The following PROSER1 variants were observed in gnomAD, a reference collection of about 807,000 sequenced individuals.
PROSER1 encodes the protein proline and serine-rich protein 1.
In PROSER1, 36 loss-of-function variants were observed where a neutral mutation model predicts 71.8. The observed-to-expected ratio is 0.50, with a 90% CI of 0.38 to 0.66. The LOEUF (loss-of-function observed/expected upper bound fraction) is 0.66, where lower values mean the gene tolerates loss of function less well. Among genes scored for constraint, PROSER1 ranks in the 30% least tolerant of loss-of-function variants. PROSER1 has a pLI of 0.00. For missense variants in PROSER1, 1,107 were observed against 1,135.0 expected (o/e 0.98, Z 0.35); for synonymous variants, 490 against 452.4 (o/e 1.08, Z -1.06).
chr13:39,021,183 A>T (rs1022256826), intron 9 of PROSER1, among the ~76,000 whole-genome samples: 6 of 152,020 alleles, frequency 3.9e-5, no homozygotes, highest in African/African-American at 1.2e-4. Context: ...GGGATACCCA[A>T]TTCACCCCCT....
intron 7 of PROSER1, among the ~76,000 whole-genome samples, 170 bp downstream of exon 7, chr13:39,024,303 T>C (rs945525626): frequency 3.0e-4 from 46 of 152,280 alleles, no homozygotes; most frequent in African/African-American, 1.1e-3. Flanking sequence ...AAAGGGGCTC[T>C]TACTACTGTT....
Position 39,023,057 on chromosome 13 carries a change from G to T in PROSER1, c.638C>A (p.Ala213Glu). ...AAAATAAGGGAACTCCTTACTTGGT[G>T]CAATAGTTGCATGTGGTCGGCATGG... is the stretch of plus-strand genomic sequence containing the variant. ...IPPCRPHATI[A>E]PSAYNNAGLV... Residue 213 changes from alanine to glutamate, a missense_variant, in exon 8 of 13, where the codon GCA (alanine) becomes GAA (glutamate). Transcript: ENST00000352251. 1.9e-6 allele frequency: 3 copies of T among 1,610,472 alleles called. No individual in the cohort carries two copies. In the South Asian group the frequency reaches 3.3e-5, roughly 18 times the overall value.
chr13:39,032,399 G>A (rs1870890099), intron 2 of PROSER1, among the ~76,000 whole-genome samples: 1 of 152,136 alleles, frequency 6.6e-6, no homozygotes, highest in Non-Finnish European at 1.5e-5. Context: ...AGGGCATAAA[G>A]ATCAGGACAC....
In PROSER1 at chr13:39,014,187, G is replaced by A. The variant is rs766524061; in HGVS notation, c.1065C>T (p.Thr355=). 4 of 1,614,178 alleles carry A rather than the reference G, an allele frequency of 2.5e-6. No individual in the cohort carries two copies. The highest frequency in any genetic ancestry group is 2.2e-5 in the South Asian group (2 of 91,086). The change falls in exon 11 of 13, where the codon ACC becomes ACT. Residue 355 remains threonine, a synonymous_variant. Transcript: ENST00000352251. ...APVTSIHSTT[T]TPVPSIFSGL... ...CAGAAAAAATGGAAGGAACAGGAGT[G>A]GTGGTTGTACTGTGGATGGATGTAA...
rs1249849441 is a variant in PROSER1, at chr13:39,013,168, G to A, written c.2084C>T (p.Thr695Ile). Residue 695 changes from threonine (T) to isoleucine (I), a missense_variant, in exon 11 of 13, where the codon ACT (threonine) becomes ATT (isoleucine). Coordinates refer to ENST00000352251, the MANE Select transcript of PROSER1 (RefSeq NM_025138.5). The stretch of plus-strand genomic sequence containing the variant: ...CAAAGAAGTAAAAGAAGGAAGAGCA[G>A]TGAATACTGGTGCAATGGGAGTGGA... ...GSSTPIAPVF[T>I]ALPSFTSLTN... The A allele has an allele frequency of 6.2e-7, 1 of 1,613,990 alleles. No individual in the cohort carries two copies.
chr13:39,029,718 T>C (rs1393446134), intron 3 of PROSER1, among the ~76,000 whole-genome samples: 1 of 152,130 alleles, frequency 6.6e-6, no homozygotes, highest in Non-Finnish European at 1.5e-5. Context: ...ACATGGGAGA[T>C]TAAATTGTTC....
intron 8 of PROSER1, chr13:39,022,729 G>T (rs3751376): frequency 8.1e-6 from 3 of 370,496 alleles, no homozygotes; most frequent in Non-Finnish European, 1.5e-5. Context: ...TTGACTTTTT[G>T]AAGTTAAATG....
intron 2 of PROSER1, 76 bp downstream of exon 2, chr13:39,034,055 T>C: frequency 1.9e-6 from 2 of 1,049,852 alleles, no homozygotes; most frequent in Non-Finnish European, 2.7e-6. Context: ...CAATTCTGAA[T>C]TCGGCCAGCA....
intron 11 of PROSER1, 70 bp downstream of exon 11, chr13:39,012,621 C>G: frequency 1.6e-6 from 2 of 1,239,664 alleles, no homozygotes. Flanking sequence ...ATTTTGATGA[C>G]TTGAAATGAA....
In PROSER1 at chr13:39,037,188, G is replaced by A. The variant is rs901728107; in HGVS notation, c.45+10C>T. 1.9e-6 allele frequency: 3 copies of A among 1,574,096 alleles called. No individual in the cohort carries two copies. The highest frequency in any genetic ancestry group is 2.7e-5 in the African/African-American group (2 of 74,034). On this transcript the variant is annotated intron_variant, in intron 1 of 12. Coordinates refer to ENST00000352251, the MANE Select transcript of PROSER1 (RefSeq NM_025138.5). ...TCTCATAAAATAATTCATGGAATCG[G>A]TCTAATTACCTTTCTAATTTCATCC...
rs769703784 is a variant in PROSER1, at chr13:39,024,503, T to C, written c.534A>G (p.Ile178Met). 2 of 1,611,392 alleles carry C rather than the reference T, an allele frequency of 1.2e-6. No homozygotes were observed. Among genetic ancestry groups the C allele is most frequent in the Non-Finnish European group, 1.7e-6 (2 of 1,178,726 alleles). ...TGGATGGCCCAAGAATTCGTGCAGC[T>C]ATTCCTTTGCCTTCGTTAGTACATT... The part of the protein sequence containing the change: ...GEECTNEGKG[I>M]AARILGPSKP... Residue 178 changes from isoleucine to methionine, a missense_variant, in exon 7 of 13, where the codon ATA (isoleucine) becomes ATG (methionine). Physicochemically the swap from Ile to Met is conservative, Grantham distance 10. Coordinates refer to ENST00000352251, the MANE Select transcript of PROSER1 (RefSeq NM_025138.5).
rs1869596770 is a variant in PROSER1 at position 39,010,609 on chromosome 13, GC to G, written c.*755del. The G allele has an allele frequency of 6.6e-6, 1 of 152,580 alleles. No individual in the cohort carries two copies. The highest frequency in any genetic ancestry group is 1.5e-5 in the Non-Finnish European group (1 of 68,028). 9.5% of individuals were successfully genotyped at this position (152,580 alleles called of 1,614,324 possible). On this transcript the variant is annotated 3_prime_UTR_variant, in exon 13 of 13. Coordinates refer to ENST00000352251, the MANE Select transcript of PROSER1 (RefSeq NM_025138.5). ...CATAGTACAGTAAGTAACAGAGGTG[GC>G]CCAAGAGTCAGTCAAGTGTTCTTCA... is the stretch of plus-strand genomic sequence containing the variant.
chr13:39,014,230 G>A lies in PROSER1; in HGVS notation c.1022C>T (p.Ser341Leu), dbSNP rs978047136. Residue 341 changes from serine (S) to leucine (L), a missense_variant, in exon 11 of 13, where the codon TCA becomes TTA. By Grantham distance (145) the Ser-to-Leu change is moderately radical. Coordinates refer to ENST00000352251, the MANE Select transcript of PROSER1 (RefSeq NM_025138.5). ...GGATGTAACAGGTGCAGTGGGCAAT[G>A]AAGGGGTTCTGATAACTGTTGGGTT... ...IPNPTVIRTP[S>L]LPTAPVTSIH... 21 of 1,614,064 alleles carry A rather than the reference G, an allele frequency of 1.3e-5. No individual in the cohort carries two copies. The highest frequency in any genetic ancestry group is 8.9e-5 in the East Asian group (4 of 44,886).
intron 10 of PROSER1, 76 bp from the exon 11 acceptor site, chr13:39,014,552 C>A: frequency 9.4e-7 from 1 of 1,066,332 alleles, no homozygotes. Flanking sequence ...AAAGCATAAC[C>A]ATTTTTGTAA....
At position 39,023,129 on chromosome 13, in the gene PROSER1, G is replaced by A. The variant is rs1870376785; in HGVS notation, c.566C>T (p.Pro189Leu). Residue 189 changes from proline (P) to leucine (L), a missense_variant and splice_region_variant, in exon 8 of 13, where the codon CCT (proline) becomes CTT (leucine). By Grantham distance (98) the Pro-to-Leu change is moderately conservative (BLOSUM62 -3). Coordinates refer to ENST00000352251, the MANE Select transcript of PROSER1 (RefSeq NM_025138.5). The part of the protein sequence containing the change: ...AARILGPSKP[P>L]PSTYNPHKPV... ...TTTATGTGGATTATATGTTGAAGGAGGCTAAAACATGGGGGAAAATACAGC... is the reference window on the plus strand; with the variant it reads ...TTTATGTGGATTATATGTTGAAGGAAGCTAAAACATGGGGGAAAATACAGC... The A allele has an allele frequency of 1.2e-6, 2 of 1,610,670 alleles. No homozygotes were observed. The highest frequency in any genetic ancestry group is 2.7e-5 in the African/African-American group (2 of 74,800).
chr13:39,022,737 A>T, intron 8 of PROSER1: 2 of 382,340 alleles, frequency 5.2e-6, no homozygotes, highest in Non-Finnish European at 9.4e-6. Flanking sequence ...TTGAAGTTAA[A>T]TGCATGAATG....
chr13:39,020,374 A>G (rs1470753285), intron 9 of PROSER1, among the ~76,000 whole-genome samples: 1 of 152,088 alleles, frequency 6.6e-6, no homozygotes, highest in Non-Finnish European at 1.5e-5. Context: ...CTGTACACAC[A>G]CACACACACC....
chr13:39,019,407 T>C (rs9576703), intron 9 of PROSER1, among the ~76,000 whole-genome samples: 21,842 of 149,508 alleles, frequency 0.15, 1,931 homozygotes, highest in African/African-American at 0.24. Context: ...TCCCAGCTAT[T>C]TGGGAGGCTG....
At position 39,037,258 on chromosome 13, in the gene PROSER1, G is replaced by T. The variant is rs1376385306; in HGVS notation, c.-16C>A. 6.2e-7 allele frequency: 1 copy of T among 1,603,190 alleles called. No individual in the cohort carries two copies. Reference sequence around the variant, plus strand: ...TTTTATCCATCTTGACTACTATCCCGACGTGGTTTTAACAGTTATACTTGC... The same window carrying T: ...TTTTATCCATCTTGACTACTATCCCTACGTGGTTTTAACAGTTATACTTGC... On this transcript the variant is annotated 5_prime_UTR_variant, in exon 1 of 13. Transcript: ENST00000352251.
Sources: gnomAD v4.1 joint callset for allele counts (sites outside exome capture counted in the v4.1 genomes callset) on GRCh38, gnomAD v4.1.1 for gene constraint, MANE v1.5 for transcripts, NCBI Gene and HGNC (gene_info 2026-07-23, HGNC 2026-07-21) for gene names.